CLPB: variants seen among roughly 807,000 people sequenced by gnomAD.
CLPB encodes the protein mitochondrial disaggregase.
Under a neutral mutation model 78.4 loss-of-function variants are expected in CLPB, and 40 were observed. The observed-to-expected ratio is 0.51, with a 90% CI of 0.40 to 0.66. The LOEUF (loss-of-function observed/expected upper bound fraction) is 0.66, where lower values mean the gene tolerates loss of function less well. Ranked by LOEUF, CLPB falls within the 30% of genes least tolerant of loss-of-function variation. CLPB has a pLI of 0.00. For synonymous variants in CLPB, 333 were observed against 348.0 expected (o/e 0.96, Z 0.48); for missense variants, 780 against 886.9 (o/e 0.88, Z 1.53).
chr11:72,307,275 G>A, intron 8 of CLPB, 21 bp from the exon 9 acceptor site: 1 of 1,612,264 alleles, frequency 6.2e-7, no homozygotes, highest in Non-Finnish European at 8.5e-7. Context: ...AGAAGGGGGA[G>A]GTGTTGGGTT....
intron 9 of CLPB, chr11:72,302,569 T>G (rs1009251582): frequency 3.7e-6 from 2 of 534,614 alleles, no homozygotes; most frequent in South Asian, 2.0e-5. Flanking sequence ...ACCCAAATCA[T>G]GTACCTGACC....
chr11:72,424,746 C>T (rs1270641748), intron 2 of CLPB, among the ~76,000 whole-genome samples: 2 of 152,194 alleles, frequency 1.3e-5, no homozygotes, highest in Admixed American at 6.5e-5. Flanking sequence ...ATTAGCCGGG[C>T]GCGTTGGCGG....
intron 3 of CLPB, among the ~76,000 whole-genome samples, chr11:72,396,078 CT>C (rs1283061739): frequency 6.6e-6 from 1 of 152,166 alleles, no homozygotes; most frequent in African/African-American, 2.4e-5. Context: ...AAATAAATGA[CT>C]GCTGTGAGAG....
At chr11:72,373,960 C>CAAAAAA (rs35682727) in intron 4 of CLPB, among the ~76,000 whole-genome samples, 3 of 80,558 alleles carry the variant, frequency 3.7e-5, no homozygotes, top group Admixed American at 1.4e-4. Flanking sequence ...AACTCTGTCT[C>CAAAAAA]AAAAAAAAAA....
chr11:72,288,067 T>C lies in CLPB; in HGVS notation c.*5300A>G, dbSNP rs1949411007. 1 of 152,240 alleles carries C rather than the reference T, an allele frequency of 6.6e-6. No homozygotes were observed. The highest frequency in any genetic ancestry group is 2.4e-5 in the African/African-American group (1 of 41,458). The allele number at this position is 152,240 out of a possible 1,614,324, so 9.4% of individuals were successfully genotyped here. On this transcript the variant is annotated 3_prime_UTR_variant, in exon 16 of 16. Transcript: ENST00000538039. ...CTAAATTTCTTTCTTGTTTTTCTTC[T>C]TTCACTATATTGAGGAATTTCCCTA... is the stretch of plus-strand genomic sequence containing the variant.
In CLPB at chr11:72,385,049, A is replaced by G. The variant is rs146402785; in HGVS notation, c.543-4665T>C. On this transcript the variant is annotated intron_variant, in intron 3 of 15. Transcript: ENST00000538039. The stretch of plus-strand genomic sequence containing the variant: ...GCTACACTTTAGACTAAATGGATAT[A>G]ACAGACCTATACAGAACATTCCATC... Among the ~76,000 whole-genome samples, 922 of 152,348 alleles carry G rather than the reference A, an allele frequency of 6.1e-3. 14 individuals carry two copies. Among genetic ancestry groups the G allele is most frequent in the African/African-American group, 0.021 (883 of 41,578 alleles).
intron 5 of CLPB, among the ~76,000 whole-genome samples, chr11:72,345,645 G>A (rs1043277039): frequency 6.6e-6 from 1 of 152,212 alleles, no homozygotes; most frequent in African/African-American, 2.4e-5. Flanking sequence ...TTTTAGAAAT[G>A]AGATAGTGCT....
At chr11:72,317,505 C>T (rs1949969311) in intron 6 of CLPB, among the ~76,000 whole-genome samples, 1 of 152,222 alleles carries the variant, frequency 6.6e-6, no homozygotes. Context: ...AGCTTTATCA[C>T]TTATGAGATG....
At chr11:72,391,347 T>C (rs1373499859) in intron 3 of CLPB, among the ~76,000 whole-genome samples, 1 of 152,150 alleles carries the variant, frequency 6.6e-6, no homozygotes, top group Non-Finnish European at 1.5e-5. Context: ...GAGTCCATGC[T>C]CTTTCTCTTT....
In CLPB at chr11:72,414,174, C is replaced by T. The variant is rs148576515; in HGVS notation, c.456-11122G>A. 3.0e-4 allele frequency among the ~76,000 whole-genome samples: 46 copies of T among 152,264 alleles called. No homozygotes were observed. The East Asian group carries it at 7.9e-3, about 26-fold the overall frequency. On this transcript the variant is annotated intron_variant, in intron 2 of 15. Transcript: ENST00000538039. The stretch of plus-strand genomic sequence containing the variant: ...GCCAAGGCTGAGACTGAATAAAACA[C>T]GGAAGTCCAACAATACAAGGCCATA...
chr11:72,367,494 G>A (rs556811168), intron 4 of CLPB, among the ~76,000 whole-genome samples: 13 of 152,226 alleles, frequency 8.5e-5, no homozygotes, highest in East Asian at 3.9e-4. Flanking sequence ...GATTACAGGC[G>A]TGAGCCACTG....
chr11:72,332,496 G>GAAAGGAAAGGAAAAAGGAAAGAAA (rs1475835521), intron 5 of CLPB, among the ~76,000 whole-genome samples: 6 of 151,674 alleles, frequency 4.0e-5, no homozygotes, highest in Non-Finnish European at 5.9e-5. Context: ...CTAAAAAATG[G>GAAAGGAAAGGAAAAAGGAAAGAAA]AAAGGAAAGG....
chr11:72,346,591 A>G (rs991731891), intron 5 of CLPB, among the ~76,000 whole-genome samples: 1 of 152,076 alleles, frequency 6.6e-6, no homozygotes, highest in African/African-American at 2.4e-5. Context: ...ATATGTTAAA[A>G]AAAAAAAAGA....
At chr11:72,356,382 G>C (rs976550198) in intron 5 of CLPB, among the ~76,000 whole-genome samples, 7 of 151,934 alleles carry the variant, frequency 4.6e-5, no homozygotes, top group Non-Finnish European at 1.5e-5. Context: ...AAAGACTCTG[G>C]AAATATTACT....
At chr11:72,406,617 G>A (rs994174388) in intron 2 of CLPB, among the ~76,000 whole-genome samples, 38 of 152,164 alleles carry the variant, frequency 2.5e-4, no homozygotes, top group African/African-American at 8.7e-4. Context: ...ACAAAGTGTT[G>A]CACTCTCAAG....
At chr11:72,390,067 A>G (rs1257524955) in intron 3 of CLPB, among the ~76,000 whole-genome samples, 1 of 152,180 alleles carries the variant, frequency 6.6e-6, no homozygotes, top group East Asian at 1.9e-4. Flanking sequence ...TCACTTCCCA[A>G]TACTGACTTT....
At chr11:72,406,630 G>A (rs1185298456) in intron 2 of CLPB, among the ~76,000 whole-genome samples, 2 of 152,196 alleles carry the variant, frequency 1.3e-5, no homozygotes, top group Non-Finnish European at 2.9e-5. Flanking sequence ...CTCTCAAGCT[G>A]GTAGTGGCAG....
At chr11:72,301,322 T>G (rs1324229333) in intron 11 of CLPB, among the ~76,000 whole-genome samples, 2 of 152,260 alleles carry the variant, frequency 1.3e-5, no homozygotes, top group East Asian at 1.9e-4. Flanking sequence ...AGCAACAATA[T>G]TAGCATTTTA....
At chr11:72,365,803 G>A (rs898678485) in intron 4 of CLPB, among the ~76,000 whole-genome samples, 8 of 152,210 alleles carry the variant, frequency 5.3e-5, no homozygotes, top group African/African-American at 1.2e-4. Context: ...TATAAGCAAC[G>A]GGGAAAGGAC....
Sources: gnomAD v4.1 joint callset for allele counts (sites outside exome capture counted in the v4.1 genomes callset) on GRCh38, gnomAD v4.1.1 for gene constraint, MANE v1.5 for transcripts, NCBI Gene and HGNC (gene_info 2026-07-23, HGNC 2026-07-21) for gene names.